Variants in TNFRSF10C observed in about 807,000 individuals in gnomAD.
The protein encoded by TNFRSF10C is tumor necrosis factor receptor superfamily member 10C.
TNFRSF10C carries 17 observed loss-of-function variants against 16.7 expected under a neutral mutation model. The ratio of observed to expected loss-of-function variants is 1.02; its 90% CI spans 0.70 to 1.53. TNFRSF10C has a LOEUF of 1.53. TNFRSF10C is among the 40% of genes most tolerant of loss of function. The pLI is 0.00. For missense variants in TNFRSF10C, 237 were observed against 329.7 expected, an observed-to-expected ratio of 0.72 and a Z score of 2.18; for synonymous variants, 73 against 119.7, an observed-to-expected ratio of 0.61 and a Z score of 2.55.
chr8:23,114,564 T>G, intron 2 of TNFRSF10C, 93 bp from the exon 3 acceptor site: 1 of 993,870 alleles, frequency 1.0e-6, no homozygotes, highest in Non-Finnish European at 1.6e-6. Flanking sequence ...CTGTCTCAAT[T>G]CCAGTGAGGG....
At chr8:23,114,502 T>G (rs1813938432) in intron 2 of TNFRSF10C, 155 bp from the exon 3 acceptor site, 1 of 567,658 alleles carries the variant, frequency 1.8e-6, no homozygotes, top group Admixed American at 3.2e-5. Flanking sequence ...GTCAAAGGTA[T>G]GTAATAGATG....
chr8:23,102,937 GAACCTCTC>G lies in TNFRSF10C; in HGVS notation c.-184_-177del. ...TCCGATTCTGGCAGTGCAGCTGTGG[GAACCTCTC>G]CACGCGCACGAACTCAGCCAACGAT... is the stretch of plus-strand genomic sequence containing the variant. On this transcript the variant is annotated 5_prime_UTR_variant, in exon 1 of 5. Coordinates refer to ENST00000356864, the MANE Select transcript of TNFRSF10C (RefSeq NM_003841.5). 6.7e-7 allele frequency: 1 copy of G among 1,487,264 alleles called. No homozygotes were observed. Among genetic ancestry groups the G allele is most frequent in the Non-Finnish European group, 9.0e-7 (1 of 1,112,602 alleles). 92.1% of individuals were successfully genotyped at this position (1,487,264 alleles called of 1,614,324 possible).
chr8:23,116,508 C>A (rs921702804), intron 4 of TNFRSF10C, 133 bp from the exon 5 acceptor site: 2 of 1,277,674 alleles, frequency 1.6e-6, no homozygotes, highest in African/African-American at 1.5e-5. Flanking sequence ...CTTGGGGGAC[C>A]CCCTCCAGAC....
At chr8:23,105,792 A>G (rs1339810757) in intron 1 of TNFRSF10C, among the ~76,000 whole-genome samples, 3 of 152,210 alleles carry the variant, frequency 2.0e-5, no homozygotes, top group Non-Finnish European at 4.4e-5. Flanking sequence ...GCCGTTGGGC[A>G]GCTGGTATCC....
intron 1 of TNFRSF10C, among the ~76,000 whole-genome samples, chr8:23,109,332 A>G (rs956234507): frequency 1.3e-5 from 2 of 152,144 alleles, no homozygotes; most frequent in African/African-American, 4.8e-5. Flanking sequence ...AGCTGTCAAA[A>G]AAAGAAAAAA....
chr8:23,105,498 G>A (rs564293884), intron 1 of TNFRSF10C, among the ~76,000 whole-genome samples: 3 of 152,132 alleles, frequency 2.0e-5, no homozygotes, highest in Admixed American at 1.3e-4. Context: ...GGAGCCAGAC[G>A]TCAAGTGAGG....
chr8:23,106,382 G>T (rs537195628), intron 1 of TNFRSF10C, among the ~76,000 whole-genome samples: 1 of 152,006 alleles, frequency 6.6e-6, no homozygotes, highest in African/African-American at 2.4e-5. Context: ...CACCATTGAG[G>T]GTCAGGGAGG....
intron 1 of TNFRSF10C, among the ~76,000 whole-genome samples, chr8:23,110,583 C>T (rs1205374209): frequency 2.0e-5 from 3 of 152,200 alleles, no homozygotes; most frequent in East Asian, 3.8e-4. Flanking sequence ...TCCGATTTCT[C>T]CAGTTGTCTT....
intron 1 of TNFRSF10C, among the ~76,000 whole-genome samples, chr8:23,110,942 T>A (rs1374027319): frequency 6.6e-6 from 1 of 152,222 alleles, no homozygotes; most frequent in Non-Finnish European, 1.5e-5. Flanking sequence ...TTTAAAATTC[T>A]TATAAAATCT....
rs1813948132 is a variant in TNFRSF10C, at chr8:23,114,895, T to C, written c.280+125T>C. On this transcript the variant is annotated intron_variant, in intron 3 of 4. Transcript: ENST00000356864. ...TGGTCTTCATCACCCTGTTCTATGATTATATATTTGACTGATTAAAAAAAT... is the reference window on the plus strand; with the variant it reads ...TGGTCTTCATCACCCTGTTCTATGACTATATATTTGACTGATTAAAAAAAT... The C allele has an allele frequency of 5.5e-6, 4 of 725,416 alleles. No individual in the cohort carries two copies. The East Asian group carries it at 1.0e-4, about 19-fold the overall frequency. The allele number at this position is 725,416 out of a possible 1,614,324, so 44.9% of individuals were successfully genotyped here.
rs1263836215 is a variant in TNFRSF10C, at chr8:23,114,663, A to G, written c.173A>G (p.His58Arg). ...FKGEECPAGS[H>R]RSEHTGACNP... ...CTTTTCTCTTCCTTCCCAGGATCTC[A>G]TAGATCAGAACATACTGGAGCCTGT... Residue 58 changes from histidine to arginine, a missense_variant, in exon 3 of 5, where the codon CAT becomes CGT. Physicochemically the swap from His to Arg is conservative, Grantham distance 29. Coordinates refer to ENST00000356864, the MANE Select transcript of TNFRSF10C (RefSeq NM_003841.5). 5 of 1,612,710 alleles carry G rather than the reference A, an allele frequency of 3.1e-6. No individual in the cohort carries two copies. The highest frequency in any genetic ancestry group is 4.2e-6 in the Non-Finnish European group (5 of 1,178,866).
chr8:23,115,458 A>AG (rs1174278468), intron 3 of TNFRSF10C, 50 bp from the exon 4 acceptor site: 8 of 1,522,190 alleles, frequency 5.3e-6, no homozygotes, highest in Non-Finnish European at 7.3e-6. Flanking sequence ...AGGAAGATCG[A>AG]GGGATACATC....
At chr8:23,107,946 G>A (rs1813807982) in intron 1 of TNFRSF10C, among the ~76,000 whole-genome samples, 1 of 152,196 alleles carries the variant, frequency 6.6e-6, no homozygotes, top group Non-Finnish European at 1.5e-5. Flanking sequence ...AAACTGCCAT[G>A]GCTATCTCAG....
chr8:23,108,473 G>A (rs1316021761), intron 1 of TNFRSF10C, among the ~76,000 whole-genome samples: 1 of 152,268 alleles, frequency 6.6e-6, no homozygotes, highest in East Asian at 1.9e-4. Context: ...AACACTGCTG[G>A]TGTCAGAAGC....
intron 2 of TNFRSF10C, among the ~76,000 whole-genome samples, chr8:23,113,222 G>A (rs1563344611): frequency 6.6e-6 from 1 of 152,126 alleles, no homozygotes; most frequent in Non-Finnish European, 1.5e-5. Flanking sequence ...TGGATCTTTT[G>A]AATATTGACC....
chr8:23,112,171 T>C (rs1585248040), intron 2 of TNFRSF10C, among the ~76,000 whole-genome samples: 1 of 152,258 alleles, frequency 6.6e-6, no homozygotes, highest in East Asian at 1.9e-4. Context: ...TAAAAGCAGA[T>C]AAAAAGCAAT....
intron 2 of TNFRSF10C, 87 bp from the exon 3 acceptor site, chr8:23,114,570 G>A: frequency 9.4e-7 from 1 of 1,067,154 alleles, no homozygotes; most frequent in African/African-American, 1.6e-5. Context: ...CAATTCCAGT[G>A]AGGGCCAAAA....
chr8:23,103,075 G>C lies in TNFRSF10C; in HGVS notation c.-47G>C. 1 of 1,595,116 alleles carries C rather than the reference G, an allele frequency of 6.3e-7. No homozygotes were observed. Among genetic ancestry groups the C allele is most frequent in the East Asian group, 2.3e-5 (1 of 44,212 alleles). On this transcript the variant is annotated 5_prime_UTR_variant, in exon 1 of 5. Transcript: ENST00000356864. ...AGAGCGCCCCGGCCGCCTGATGGCC[G>C]AGGCAGGGTGCGACCCAGGACCCAG... is the stretch of plus-strand genomic sequence containing the variant.
rs146676402 is a variant in TNFRSF10C at position 23,114,193 on chromosome 8, G to A, written c.167-464G>A. ...TTTCGGGGGCTTGGGGAGACTGAGC[G>A]AAGACAGGGGGCCACTGTGGTGAGT... On this transcript the variant is annotated intron_variant, in intron 2 of 4. Coordinates refer to ENST00000356864, the MANE Select transcript of TNFRSF10C (RefSeq NM_003841.5). Among the ~76,000 whole-genome samples, 871 of 152,264 alleles carry A rather than the reference G, an allele frequency of 5.7e-3. 9 individuals carry two copies. The highest frequency in any genetic ancestry group is 0.02 in the African/African-American group (825 of 41,544).
Sources: gnomAD v4.1 joint callset for allele counts (sites outside exome capture counted in the v4.1 genomes callset) on GRCh38, gnomAD v4.1.1 for gene constraint, MANE v1.5 for transcripts, NCBI Gene and HGNC (gene_info 2026-07-23, HGNC 2026-07-21) for gene names.